C11orf65: variants seen among roughly 807,000 people sequenced by gnomAD.
C11orf65 encodes the protein protein MFI.
In C11orf65, 38 loss-of-function variants were observed where a neutral mutation model predicts 35.3. That is an observed-to-expected ratio of 1.08 (90% confidence interval 0.83 to 1.41). The LOEUF is 1.41. C11orf65 is among the 40% of genes most tolerant of loss of function. The pLI is 0.00. For synonymous variants in C11orf65, 105 were observed against 114.4 expected, an observed-to-expected ratio of 0.92 and a Z score of 0.53; for missense variants, 370 against 367.1, an observed-to-expected ratio of 1.01 and a Z score of -0.06.
At position 108,317,103 on chromosome 11, in the gene C11orf65, T is replaced by A. The variant is rs12807529; in HGVS notation, c.641-8032A>T. Reference sequence around the variant, plus strand: ...TACACACTACCATACCCAGCTATTTTAAAAAAAAAAAAAAATTGTAGAGAC... The same window carrying A: ...TACACACTACCATACCCAGCTATTTAAAAAAAAAAAAAAAATTGTAGAGAC... On this transcript the variant is annotated intron_variant, in intron 6 of 6. Coordinates refer to the C11orf65 transcript ENST00000525729. Among the ~76,000 whole-genome samples the A allele has an allele frequency of 1, 149,305 of 149,536 alleles. 74,537 individuals carry two copies. Among genetic ancestry groups the A allele is most frequent in the Middle Eastern group, 1 (284 of 284 alleles).
intron 3 of C11orf65, among the ~76,000 whole-genome samples, chr11:108,424,265 G>C (rs1231409045): frequency 1.3e-5 from 2 of 152,074 alleles, no homozygotes; most frequent in Non-Finnish European, 2.9e-5. Flanking sequence ...GGATACACAA[G>C]TATCAATAGC....
intron 8 of C11orf65, among the ~76,000 whole-genome samples, chr11:108,385,698 T>A: frequency 6.6e-6 from 1 of 151,650 alleles, no homozygotes; most frequent in Non-Finnish European, 1.5e-5. Context: ...AAAAAAAGAT[T>A]CATATTTTTA....
rs747346821 is a variant in C11orf65, at chr11:108,365,070, C to G, written c.226+28138G>C. 9 of 1,613,452 alleles carry G rather than the reference C, an allele frequency of 5.6e-6. No homozygotes were observed. In the South Asian group the frequency reaches 8.8e-5, roughly 16 times the overall value. ...ACATTGTTCTTTTAATACATATGTTCTCTCTGTTTAGGTCCTTCTATATGA... is the reference window on the plus strand; with the variant it reads ...ACATTGTTCTTTTAATACATATGTTGTCTCTGTTTAGGTCCTTCTATATGA... On this transcript the variant is annotated intron_variant, in intron 2 of 3. Coordinates refer to the C11orf65 transcript ENST00000524755.
chr11:108,383,759 C>G (rs908077729), intron 8 of C11orf65, among the ~76,000 whole-genome samples: 2 of 152,186 alleles, frequency 1.3e-5, no homozygotes, highest in African/African-American at 4.8e-5. Flanking sequence ...TTATGCAAAT[C>G]TCCACTACTT....
intron 2 of C11orf65, among the ~76,000 whole-genome samples, chr11:108,362,446 T>C (rs996626297): frequency 6.6e-6 from 1 of 151,718 alleles, no homozygotes; most frequent in African/African-American, 2.4e-5. Context: ...ATCCCATTAC[T>C]GGGTATATAA....
intron 3 of C11orf65, among the ~76,000 whole-genome samples, chr11:108,422,939 T>G (rs950893786): frequency 2.6e-5 from 4 of 151,164 alleles, no homozygotes; most frequent in Non-Finnish European, 2.9e-5. Context: ...CAGTCCCAGG[T>G]GGACTGCAGA....
chr11:108,359,386 A>G (rs2090430914), intron 2 of C11orf65, among the ~76,000 whole-genome samples: 1 of 152,156 alleles, frequency 6.6e-6, no homozygotes, highest in Admixed American at 6.5e-5. Flanking sequence ...AGACAGATCA[A>G]CGAGATAAAA....
At chr11:108,386,468 G>A (rs2138319742) in intron 7 of C11orf65, among the ~76,000 whole-genome samples, 1 of 152,310 alleles carries the variant, frequency 6.6e-6, no homozygotes, top group East Asian at 1.9e-4. Flanking sequence ...TGTCTTTGCA[G>A]TGTCCAGAAC....
At chr11:108,320,083 G>C (rs761600797) in intron 6 of C11orf65, 1 of 1,500,654 alleles carries the variant, frequency 6.7e-7, no homozygotes, top group Non-Finnish European at 9.3e-7. Flanking sequence ...CAAAGTTACT[G>C]TATTTTAACA....
At chr11:108,395,131 T>C (rs1391242433) in intron 6 of C11orf65, among the ~76,000 whole-genome samples, 2 of 144,646 alleles carry the variant, frequency 1.4e-5, no homozygotes, top group African/African-American at 5.0e-5. Flanking sequence ...ACCTTAACTC[T>C]TAAAAAAAAA....
At chr11:108,431,227 A>T (rs1033150584) in intron 3 of C11orf65, among the ~76,000 whole-genome samples, 2 of 151,750 alleles carry the variant, frequency 1.3e-5, no homozygotes, top group African/African-American at 4.8e-5. Context: ...AAATTCCCAG[A>T]AACAGTTATT....
At chr11:108,360,242 C>T (rs2090558815) in intron 2 of C11orf65, among the ~76,000 whole-genome samples, 1 of 138,656 alleles carries the variant, frequency 7.2e-6, no homozygotes, top group South Asian at 2.6e-4. Flanking sequence ...CAAGACTAAA[C>T]CAGGAAGAAG....
At chr11:108,376,383 A>G (rs1297053067) in intron 2 of C11orf65, among the ~76,000 whole-genome samples, 238 of 151,376 alleles carry the variant, frequency 1.6e-3, no homozygotes, top group African/African-American at 5.4e-3. Context: ...GAATGGGTAC[A>G]GTACATAACG....
chr11:108,364,128 C>G (rs760943355), intron 2 of C11orf65, among the ~76,000 whole-genome samples: 4 of 152,174 alleles, frequency 2.6e-5, no homozygotes, highest in Non-Finnish European at 5.9e-5. Flanking sequence ...TTCTGCTAAT[C>G]TAGTACGTGT....
chr11:108,460,927 G>C (rs1211737174), intron 2 of C11orf65, among the ~76,000 whole-genome samples: 1 of 151,946 alleles, frequency 6.6e-6, no homozygotes, highest in African/African-American at 2.4e-5. Context: ...GTCTCTCCAT[G>C]TTCGTCAGGC....
chr11:108,383,706 T>C (rs894236122), intron 8 of C11orf65, among the ~76,000 whole-genome samples: 17 of 152,164 alleles, frequency 1.1e-4, no homozygotes, highest in Non-Finnish European at 2.5e-4. Flanking sequence ...TATCCTCTTC[T>C]CCAATGCCAA....
chr11:108,381,088 T>C (rs1301883233), downstream of C11orf65, among the ~76,000 whole-genome samples: 4 of 152,174 alleles, frequency 2.6e-5, no homozygotes, highest in East Asian at 7.7e-4. Context: ...GACATGCAGC[T>C]AGGTTGGAGC....
intron 2 of C11orf65, among the ~76,000 whole-genome samples, chr11:108,374,004 G>A (rs1435701762): frequency 6.6e-6 from 1 of 152,246 alleles, no homozygotes; most frequent in African/African-American, 2.4e-5. Context: ...GGCTCGCTTA[G>A]GTAAACAAAG....
At chr11:108,325,570 T>C in intron 6 of C11orf65, 1 of 1,540,264 alleles carries the variant, frequency 6.5e-7, no homozygotes, top group Non-Finnish European at 8.9e-7. Flanking sequence ...AACTATGTCA[T>C]CTTACCTCTT....
Sources: allele counts gnomAD v4.1 joint callset (sites outside exome capture counted in the v4.1 genomes callset), GRCh38; gene constraint gnomAD v4.1.1; transcripts MANE v1.5; gene names NCBI Gene and HGNC (gene_info 2026-07-23, HGNC 2026-07-21).